ZXDC: variants seen among roughly 807,000 people sequenced by gnomAD.
ZXDC encodes zinc finger protein ZXDC.
In ZXDC, 58 loss-of-function variants were observed where a neutral mutation model predicts 63.6. That is an observed-to-expected ratio of 0.91 (90% confidence interval 0.74 to 1.13). The LOEUF is 1.13. Ranked by LOEUF, ZXDC falls within the 50% of genes most tolerant of loss-of-function variation. The pLI is 0.00. For missense variants in ZXDC, 1,133 were observed against 1,148.9 expected, an observed-to-expected ratio of 0.99 and a Z score of 0.20; for synonymous variants, 561 against 496.1, an observed-to-expected ratio of 1.13 and a Z score of -1.74.
chr3:126,452,323 GC>G, intron 7 of ZXDC: 1 of 985,382 alleles, frequency 1.0e-6, no homozygotes, highest in Non-Finnish European at 1.2e-6. Flanking sequence ...GCATGAAATC[GC>G]ACTACAATGC....
chr3:126,444,806 A>G (rs1409695618), intron 7 of ZXDC, among the ~76,000 whole-genome samples: 1 of 152,240 alleles, frequency 6.6e-6, no homozygotes, highest in East Asian at 1.9e-4. Context: ...GCTAGAATGT[A>G]TGTGCCATTC....
Position 126,461,716 on chromosome 3 carries a change from T to C in ZXDC, c.1946A>G (p.Asn649Ser). Reference protein sequence around the residue: ...TPTSSSTPRENASVPELLAPI... With the variant: ...TPTSSSTPRESASVPELLAPI... Reference sequence around the variant, plus strand: ...AGCCAGCAGTTCCGGGACACTGGCATTTTCTCGGGGGGTGCTCGAAGAGGT... The same window carrying C: ...AGCCAGCAGTTCCGGGACACTGGCACTTTCTCGGGGGGTGCTCGAAGAGGT... The change falls in exon 6 of 10, where the codon AAT (asparagine) becomes AGT (serine). Residue 649 changes from asparagine to serine, a missense_variant. Asn to Ser is a conservative substitution (Grantham distance 46). Coordinates refer to ENST00000389709, the MANE Select transcript of ZXDC (RefSeq NM_025112.5). 1 of 1,613,934 alleles carries C rather than the reference T, an allele frequency of 6.2e-7. No homozygotes were observed. The highest frequency in any genetic ancestry group is 8.5e-7 in the Non-Finnish European group (1 of 1,179,982).
At chr3:126,472,429 G>A in intron 1 of ZXDC, 124 bp from the exon 2 acceptor site, 1 of 1,220,194 alleles carries the variant, frequency 8.2e-7, no homozygotes, top group Non-Finnish European at 1.1e-6. Context: ...TGACTCAGAA[G>A]CACTCTCTAA....
In ZXDC at chr3:126,472,552, C is replaced by T. The variant is rs111458538; in HGVS notation, c.908-247G>A. On this transcript the variant is annotated intron_variant, in intron 1 of 9. Coordinates refer to ENST00000389709, the MANE Select transcript of ZXDC (RefSeq NM_025112.5). ...CAACATGACTTGGAGATGGAGCAACCGATAAAGAGAAAGTCCTCCGTTCAC... is the reference window on the plus strand; with the variant it reads ...CAACATGACTTGGAGATGGAGCAACTGATAAAGAGAAAGTCCTCCGTTCAC... 3.9e-3 allele frequency among the ~76,000 whole-genome samples: 593 copies of T among 152,226 alleles called. 5 individuals carry two copies. The highest frequency in any genetic ancestry group is 0.014 in the African/African-American group (562 of 41,524).
At position 126,475,726 on chromosome 3, in the gene ZXDC, T is replaced by A; in HGVS notation, c.140A>T (p.Glu47Val). ...RRRLLLVRGPEDGGPGARPGE... is the reference protein window; with the variant it reads ...RRRLLLVRGPVDGGPGARPGE... ...GGGCCGCGCCCCGGGCCCGCCATCT[T>A]CAGGGCCCCGCACCAGTAGCAGGCG... The change falls in exon 1 of 10, where the codon GAA becomes GTA. Residue 47 changes from glutamate (E) to valine (V), a missense_variant. Physicochemically the swap from Glu to Val is moderately radical, Grantham distance 121. Transcript: ENST00000389709. 8.1e-7 allele frequency: 1 copy of A among 1,239,976 alleles called. No individual in the cohort carries two copies. Among genetic ancestry groups the A allele is most frequent in the Non-Finnish European group, 1.0e-6 (1 of 993,310 alleles). The allele number at this position is 1,239,976 out of a possible 1,614,324, so 76.8% of individuals were successfully genotyped here. A position where few individuals can be genotyped will look rare whatever the true frequency, so the allele number is the denominator to read the frequency against.
chr3:126,468,504 GC>G (rs1314837079), intron 4 of ZXDC, among the ~76,000 whole-genome samples: 1 of 152,078 alleles, frequency 6.6e-6, no homozygotes, highest in African/African-American at 2.4e-5. Flanking sequence ...TCCACGTGCT[GC>G]CCATACACCA....
chr3:126,466,316 G>A lies in ZXDC; in HGVS notation c.1280C>T (p.Ala427Val), dbSNP rs1934763548. 3.7e-6 allele frequency: 6 copies of A among 1,614,138 alleles called. 1 individual carries two copies. Among genetic ancestry groups the A allele is most frequent in the South Asian group, 2.2e-5 (2 of 91,074 alleles). ...CAGACTGCTACGAGCGGAGAACCTC[G>A]CGCAACATCCTGGAACAAAAAGAGT... is the stretch of plus-strand genomic sequence containing the variant. ...PFECPVEGCC[A>V]RFSARSSLYI... Residue 427 changes from alanine to valine, a missense_variant, in exon 5 of 10, where the codon GCG becomes GTG. By Grantham distance (64) the Ala-to-Val change is moderately conservative. Transcript: ENST00000389709.
rs1312688146 is a variant in ZXDC at position 126,439,671 on chromosome 3, G to C, written c.2451C>G (p.Leu817=). ...CGGGCAGGTCCACAGTGAGGAAGGGGAGGAAGGTGGCTGGGCCGCGGGCCG... is the reference window on the plus strand; with the variant it reads ...CGGGCAGGTCCACAGTGAGGAAGGGCAGGAAGGTGGCTGGGCCGCGGGCCG... ...LPSARGPATF[L]PFLTVDLPVY... is the part of the protein sequence containing the mutation. The change falls in exon 9 of 10, where the codon CTC becomes CTG. Residue 817 remains leucine (L), a synonymous_variant. Coordinates refer to ENST00000389709, the MANE Select transcript of ZXDC (RefSeq NM_025112.5). 1 of 1,553,778 alleles carries C rather than the reference G, an allele frequency of 6.4e-7. No individual in the cohort carries two copies. Among genetic ancestry groups the C allele is most frequent in the Admixed American group, 2.0e-5 (1 of 51,264 alleles).
intron 5 of ZXDC, among the ~76,000 whole-genome samples, chr3:126,463,291 G>T (rs977368624): frequency 6.6e-6 from 1 of 152,140 alleles, no homozygotes; most frequent in African/African-American, 2.4e-5. Flanking sequence ...GGATGGTCTC[G>T]ATCTCCTGAC....
In ZXDC at chr3:126,475,872, C is replaced by T; in HGVS notation, c.-7G>A. On this transcript the variant is annotated 5_prime_UTR_variant, in exon 1 of 10. Coordinates refer to ENST00000389709, the MANE Select transcript of ZXDC (RefSeq NM_025112.5). ...GCAGCGCCGGGAGGTCCATCTTGGTCCCAGCGACGGCGTCGGAGCAGCTTC... is the reference window on the plus strand; with the variant it reads ...GCAGCGCCGGGAGGTCCATCTTGGTTCCAGCGACGGCGTCGGAGCAGCTTC... The T allele has an allele frequency of 3.7e-6, 4 of 1,075,540 alleles. No individual in the cohort carries two copies. The highest frequency in any genetic ancestry group is 8.7e-5 in the South Asian group (2 of 22,870). The allele number at this position is 1,075,540 out of a possible 1,614,324, so 66.6% of individuals were successfully genotyped here.
intron 7 of ZXDC, chr3:126,451,243 G>C (rs967032990): frequency 2.0e-6 from 2 of 985,348 alleles, no homozygotes; most frequent in Non-Finnish European, 2.4e-6. Flanking sequence ...CTTCATGCAT[G>C]CATATGTGTA....
chr3:126,466,625 T>C (rs1443256052), intron 4 of ZXDC, among the ~76,000 whole-genome samples: 1 of 152,248 alleles, frequency 6.6e-6, no homozygotes, highest in Admixed American at 6.5e-5. Context: ...GTTGGGAAGA[T>C]TAAGTCAAAT....
At chr3:126,466,100 G>A (rs1934748186) in intron 5 of ZXDC, 55 bp downstream of exon 5, 1 of 1,569,070 alleles carries the variant, frequency 6.4e-7, no homozygotes. Flanking sequence ...CACTGGCACT[G>A]TTCCCGTTTC....
intron 4 of ZXDC, among the ~76,000 whole-genome samples, chr3:126,470,563 C>T (rs1934944972): frequency 1.3e-5 from 2 of 152,220 alleles, no homozygotes; most frequent in African/African-American, 4.8e-5. Context: ...AAAGTACCTA[C>T]CATTTACTGA....
At chr3:126,471,631 TCCAGGGTTGTCATTA>T (rs1254939136) in intron 3 of ZXDC, among the ~76,000 whole-genome samples, 4 of 151,972 alleles carry the variant, frequency 2.6e-5, no homozygotes, top group Admixed American at 2.0e-4. Flanking sequence ...GGACACAGTC[TCCAGGGTTGTCATTA>T]CCACCATGAA....
At chr3:126,448,068 G>A (rs800946) in intron 7 of ZXDC, among the ~76,000 whole-genome samples, 1 of 151,786 alleles carries the variant, frequency 6.6e-6, no homozygotes, top group Non-Finnish European at 1.5e-5. Flanking sequence ...GTGGGGACAC[G>A]AGGACCTACA....
chr3:126,451,059 C>T (rs1934083053), intron 7 of ZXDC: 9 of 865,914 alleles, frequency 1.0e-5, no homozygotes, highest in Non-Finnish European at 1.2e-5. Context: ...CTCCTCATCA[C>T]CACCTGAGTC....
At chr3:126,457,208 G>C in intron 7 of ZXDC, 2 of 963,160 alleles carry the variant, frequency 2.1e-6, no homozygotes, top group African/African-American at 1.8e-5. Context: ...TGCGGCCACA[G>C]GGGACTCTCA....
At chr3:126,460,130 G>A (rs1174100595) in intron 6 of ZXDC, 36 of 985,288 alleles carry the variant, frequency 3.7e-5, no homozygotes, top group Non-Finnish European at 4.1e-5. Context: ...GTGCATGGCA[G>A]GCCCGGGGCA....
Sources: gnomAD v4.1 joint callset for allele counts (sites outside exome capture counted in the v4.1 genomes callset) on GRCh38, gnomAD v4.1.1 for gene constraint, MANE v1.5 for transcripts, NCBI Gene and HGNC (gene_info 2026-07-23, HGNC 2026-07-21) for gene names.